The following PIEZO2 variants were observed in gnomAD, a reference collection of about 807,000 sequenced individuals.
PIEZO2 encodes piezo-type mechanosensitive ion channel component 2.
A neutral mutation model predicts 337.3 loss-of-function variants in PIEZO2; 172 were observed. That is an observed-to-expected ratio of 0.51 (90% CI 0.45 to 0.58). PIEZO2 has a LOEUF of 0.58. Ranked by LOEUF, PIEZO2 falls within the 20% of genes least tolerant of loss-of-function variation. PIEZO2 has a pLI of 0.00. For synonymous variants in PIEZO2, 1,251 were observed against 1,228.5 expected (o/e 1.02, Z -0.38); for missense variants, 3,028 against 3,391.3 (o/e 0.89, Z 2.66).
At position 11,070,762 on chromosome 18, in the gene PIEZO2, G is replaced by A. The variant is rs2145935311; in HGVS notation, c.65-4540C>T. On this transcript the variant is annotated intron_variant, in intron 1 of 55. Coordinates refer to ENST00000674853, the MANE Select transcript of PIEZO2 (RefSeq NM_001378183.1). This position sits in a 1 kb window ranked among gnomAD's most constrained non-coding sequence, Gnocchi z 4.3. ...AACCAGGAAGCTGGAAGCAAGAAGG[G>A]GAGGCCCGGGAGACTGAGCAGAGGA... is the stretch of plus-strand genomic sequence containing the variant. 6.6e-6 allele frequency among the ~76,000 whole-genome samples: 1 copy of A among 152,290 alleles called. No individual in the cohort carries two copies. Among genetic ancestry groups the A allele is most frequent in the Non-Finnish European group, 1.5e-5 (1 of 68,020 alleles).
intron 4 of PIEZO2, among the ~76,000 whole-genome samples, chr18:10,904,532 G>C (rs1209411690): frequency 6.6e-6 from 1 of 152,188 alleles, no homozygotes; most frequent in Non-Finnish European, 1.5e-5. Flanking sequence ...GCGTGCTTCT[G>C]TGCCCACAGG....
chr18:10,788,632 C>A (rs1371355636), intron 15 of PIEZO2, among the ~76,000 whole-genome samples: 2 of 152,056 alleles, frequency 1.3e-5, no homozygotes, highest in African/African-American at 2.4e-5. Context: ...AGCTGGAGTG[C>A]AGTGGTACAA....
chr18:10,703,971 T>C (rs576281464), intron 42 of PIEZO2, among the ~76,000 whole-genome samples: 1 of 152,304 alleles, frequency 6.6e-6, no homozygotes, highest in East Asian at 1.9e-4. Context: ...GTCCATTCAC[T>C]GAACCCCCGG....
rs143831366 is a variant in PIEZO2, at chr18:11,071,362, A to G, written c.65-5140T>C. Reference sequence around the variant, plus strand: ...GTTGAAGTCTTTTATAGAACATTGTAGAGACATTTGGTCATTCATCTGCCA... The same window carrying G: ...GTTGAAGTCTTTTATAGAACATTGTGGAGACATTTGGTCATTCATCTGCCA... On this transcript the variant is annotated intron_variant, in intron 1 of 55. Transcript: ENST00000674853. Among the ~76,000 whole-genome samples, 11 of 152,338 alleles carry G rather than the reference A, an allele frequency of 7.2e-5. No individual in the cohort carries two copies. In the South Asian group the frequency reaches 1.2e-3, roughly 17 times the overall value.
chr18:10,962,964 C>T lies in PIEZO2; in HGVS notation c.286+16571G>A, dbSNP rs1422491231. Among the ~76,000 whole-genome samples, 1 of 152,126 alleles carries T rather than the reference C, an allele frequency of 6.6e-6. No individual in the cohort carries two copies. Among genetic ancestry groups the T allele is most frequent in the East Asian group, 1.9e-4 (1 of 5,188 alleles). ...AAATTGGTCTGGGGCTATACATATA[C>T]CCAGAATCATTCCTCCTGTCAAAAT... On this transcript the variant is annotated intron_variant, in intron 3 of 55. Coordinates refer to ENST00000674853, the MANE Select transcript of PIEZO2 (RefSeq NM_001378183.1). This position sits in a 1 kb window ranked among gnomAD's most constrained non-coding sequence, Gnocchi z 4.1.
chr18:10,765,737 A>AGGACAACTGAACC, intron 21 of PIEZO2, among the ~76,000 whole-genome samples: 1 of 151,856 alleles, frequency 6.6e-6, no homozygotes, highest in East Asian at 2.0e-4. Flanking sequence ...CAGCAAGTGC[A>AGGACAACTGAACC]GGAGTCCTGT....
Position 10,784,706 on chromosome 18 carries a change from CA to C in PIEZO2, c.2492+77del, listed in dbSNP as rs1234552764. 1.1e-5 allele frequency: 15 copies of C among 1,312,508 alleles called. No homozygotes were observed. The highest frequency in any genetic ancestry group is 1.5e-5 in the Non-Finnish European group (15 of 1,009,866). The allele number at this position is 1,312,508 out of a possible 1,614,324, so 81.3% of individuals were successfully genotyped here. A position where few individuals can be genotyped will look rare whatever the true frequency, so the allele number is the denominator to read the frequency against. On this transcript the variant is annotated intron_variant, in intron 17 of 55. Coordinates refer to ENST00000674853, the MANE Select transcript of PIEZO2 (RefSeq NM_001378183.1). This position sits in a 1 kb window ranked among gnomAD's most constrained non-coding sequence, Gnocchi z 4.5. ...AAACTTTTAGATTACTGGCTTCTCG[CA>C]AGGTGGCCAACCTAAGGTAGGGTTG...
rs540869665 is a variant in PIEZO2 at position 10,915,238 on chromosome 18, G to A, written c.287-4010C>T. ...CAGCCTGTGTGTAAGAGGGAAGAAT[G>A]GGTCACGTGTGCAGAGGGAAGCAGG... On this transcript the variant is annotated intron_variant, in intron 3 of 55. Transcript: ENST00000674853. Among the ~76,000 whole-genome samples the A allele has an allele frequency of 1.1e-4, 15 of 135,578 alleles. No homozygotes were observed. In the East Asian group the frequency reaches 3.1e-3, roughly 28 times the overall value. 88.9% of individuals were successfully genotyped at this position (135,578 alleles called of 152,430 possible).
At position 10,707,223 on chromosome 18, in the gene PIEZO2, AC is replaced by A. The variant is rs2035622330; in HGVS notation, c.5588+1051del. On this transcript the variant is annotated intron_variant, in intron 40 of 55. Coordinates refer to ENST00000674853, the MANE Select transcript of PIEZO2 (RefSeq NM_001378183.1). This position sits in a 1 kb window ranked among gnomAD's most constrained non-coding sequence, Gnocchi z 4.2. Reference sequence around the variant, plus strand: ...GGGAACTTGCAGACTACTGGAGCCAACCCCGCACCAGGTCTCATGGCCAGTA... The same window carrying A: ...GGGAACTTGCAGACTACTGGAGCCAACCCGCACCAGGTCTCATGGCCAGTA... 6.6e-6 allele frequency among the ~76,000 whole-genome samples: 1 copy of A among 152,104 alleles called. No homozygotes were observed.
chr18:10,731,177 TTATATATATATATATATATATATATA>T (rs60508630), intron 36 of PIEZO2, among the ~76,000 whole-genome samples: 8 of 35,236 alleles, frequency 2.3e-4, no homozygotes, highest in Non-Finnish European at 3.5e-4. Flanking sequence ...ACTTAAAAGA[TTATATATATATATATATATATATATA>T]TATATATATA....
rs900714029 is a variant in PIEZO2, at chr18:11,009,601, C to T, written c.161-29941G>A. Among the ~76,000 whole-genome samples, 3 of 152,126 alleles carry T rather than the reference C, an allele frequency of 2.0e-5. No individual in the cohort carries two copies. Among genetic ancestry groups the T allele is most frequent in the Non-Finnish European group, 2.9e-5 (2 of 68,026 alleles). On this transcript the variant is annotated intron_variant, in intron 2 of 55. Coordinates refer to ENST00000674853, the MANE Select transcript of PIEZO2 (RefSeq NM_001378183.1). This position sits in a 1 kb window ranked among gnomAD's most constrained non-coding sequence, Gnocchi z 4.6. ...ATCATTACACTTCTTTGGTATCATACGAAGTAATAATATATGTGGGCACTA... is the reference window on the plus strand; with the variant it reads ...ATCATTACACTTCTTTGGTATCATATGAAGTAATAATATATGTGGGCACTA...
In PIEZO2 at chr18:10,877,905, T is replaced by C. The variant is rs1176372695; in HGVS notation, c.330-6490A>G. Among the ~76,000 whole-genome samples, 1 of 152,182 alleles carries C rather than the reference T, an allele frequency of 6.6e-6. No individual in the cohort carries two copies. The highest frequency in any genetic ancestry group is 1.9e-4 in the East Asian group (1 of 5,196). On this transcript the variant is annotated intron_variant, in intron 4 of 55. Transcript: ENST00000674853. The surrounding 1 kb of genome is among the most constrained non-coding windows in gnomAD (Gnocchi z 5.3). ...CCTCTACCTCAAATTCCGGCCATAC[T>C]GAATGCACGTACCCAGAACGCGCCA...
At chr18:11,072,141 T>A (rs1232526522) in intron 1 of PIEZO2, among the ~76,000 whole-genome samples, 1 of 152,182 alleles carries the variant, frequency 6.6e-6, no homozygotes. Flanking sequence ...TTGCATGTAC[T>A]TCTACGTCAG....
chr18:11,045,163 G>T (rs1301446442), intron 2 of PIEZO2, among the ~76,000 whole-genome samples: 1 of 151,654 alleles, frequency 6.6e-6, no homozygotes, highest in Non-Finnish European at 1.5e-5. Flanking sequence ...CGGGCATGGT[G>T]GCAGGCGACT....
At chr18:10,788,384 A>T (rs1340483434) in intron 15 of PIEZO2, among the ~76,000 whole-genome samples, 1 of 149,870 alleles carries the variant, frequency 6.7e-6, no homozygotes, top group African/African-American at 2.5e-5. Flanking sequence ...ACTCCAGCCT[A>T]AGGGACAGAG....
At chr18:10,790,894 C>T (rs1390947873) in intron 14 of PIEZO2, among the ~76,000 whole-genome samples, 2 of 152,002 alleles carry the variant, frequency 1.3e-5, no homozygotes, top group African/African-American at 4.8e-5. Context: ...TTAGTAAAGG[C>T]GGGTTTTCAC....
In PIEZO2 at chr18:11,105,072, C is replaced by T. The variant is rs1340447193; in HGVS notation, c.65-38850G>A. 6.6e-6 allele frequency among the ~76,000 whole-genome samples: 1 copy of T among 152,180 alleles called. No individual in the cohort carries two copies. Among genetic ancestry groups the T allele is most frequent in the African/African-American group, 2.4e-5 (1 of 41,450 alleles). ...CTTACTATCATTTGGCAAAGAACAG[C>T]TTGACTAAGCACGACACCACCACAG... On this transcript the variant is annotated intron_variant, in intron 1 of 55. Coordinates refer to ENST00000674853, the MANE Select transcript of PIEZO2 (RefSeq NM_001378183.1). The surrounding 1 kb of genome is among the most constrained non-coding windows in gnomAD (Gnocchi z 4.3).
Position 10,767,592 on chromosome 18 carries a change from C to T in PIEZO2, c.2946+2556G>A, listed in dbSNP as rs1340984565. Among the ~76,000 whole-genome samples, 1 of 152,294 alleles carries T rather than the reference C, an allele frequency of 6.6e-6. No individual in the cohort carries two copies. Among genetic ancestry groups the T allele is most frequent in the Non-Finnish European group, 1.5e-5 (1 of 68,016 alleles). On this transcript the variant is annotated intron_variant, in intron 21 of 55. Transcript: ENST00000674853. The surrounding 1 kb of genome is among the most constrained non-coding windows in gnomAD (Gnocchi z 4.2). ...GGAGCCCGATGCGTGAACCCTGGAG[C>T]TTGGGCACTGGTACCCATGGGGCCA...
chr18:11,029,245 T>C (rs2036645522), intron 2 of PIEZO2, among the ~76,000 whole-genome samples: 2 of 152,170 alleles, frequency 1.3e-5, no homozygotes, highest in Non-Finnish European at 2.9e-5. Context: ...TCACCCTTGC[T>C]CCAGACCCGG....
Sources: allele counts gnomAD v4.1 joint callset (sites outside exome capture counted in the v4.1 genomes callset), GRCh38; gene constraint gnomAD v4.1.1; non-coding constraint Gnocchi (gnomAD v3.1); transcripts MANE v1.5; gene names NCBI Gene and HGNC (gene_info 2026-07-23, HGNC 2026-07-21).